The following RIN2 variants were observed in gnomAD, a reference collection of about 807,000 sequenced individuals.
The protein encoded by RIN2 is RAB5 interacting protein 2.
Under a neutral mutation model 78.0 loss-of-function variants are expected in RIN2, and 36 were observed. That is an observed-to-expected ratio of 0.46 (90% CI 0.35 to 0.61). The LOEUF (loss-of-function observed/expected upper bound fraction) is 0.61. Among genes scored for constraint, RIN2 ranks in the 20% least tolerant of loss-of-function variants. The pLI, the probability that RIN2 is intolerant of heterozygous loss-of-function variation, is 0.00. For synonymous variants in RIN2, 466 were observed against 466.8 expected, an observed-to-expected ratio of 1.00 and a Z score of 0.02; for missense variants, 1,087 against 1,159.7, an observed-to-expected ratio of 0.94 and a Z score of 0.91.
intron 1 of RIN2, among the ~76,000 whole-genome samples, chr20:19,790,062 C>A (rs2034840380): frequency 6.6e-6 from 1 of 152,134 alleles, no homozygotes; most frequent in African/African-American, 2.4e-5. Context: ...AAATGTGGCA[C>A]CCAGAATTGA....
intron 2 of RIN2, chr20:19,886,892 G>A (rs909373488): frequency 1.4e-4 from 83 of 610,616 alleles, no homozygotes; most frequent in Non-Finnish European, 2.2e-4. Flanking sequence ...AGAAGTTATC[G>A]TTTTAAATGG....
At chr20:19,951,384 C>A (rs1432151645) in intron 4 of RIN2, among the ~76,000 whole-genome samples, 1 of 152,132 alleles carries the variant, frequency 6.6e-6, no homozygotes, top group Admixed American at 6.5e-5. Context: ...CTCCTGTATA[C>A]ATTCAGGTGA....
intron 2 of RIN2, among the ~76,000 whole-genome samples, chr20:19,847,444 A>G (rs1212198587): frequency 2.0e-5 from 3 of 152,196 alleles, no homozygotes; most frequent in Non-Finnish European, 4.4e-5. Context: ...ATAAACGTGC[A>G]TGCAGTTAAA....
intron 1 of RIN2, among the ~76,000 whole-genome samples, chr20:19,758,787 G>C (rs908389124): frequency 6.6e-6 from 1 of 152,208 alleles, no homozygotes; most frequent in Admixed American, 6.5e-5. Context: ...GCGCCTGAGC[G>C]CGCGGGTCAG....
chr20:19,854,445 C>T lies in RIN2; in HGVS notation c.-36-35121C>T, dbSNP rs1251979599. The stretch of plus-strand genomic sequence containing the variant: ...GTCATTGGTAGCTTGATGGGGATGG[C>T]ATTGAATCTATAAATTTCCTTGGGC... On this transcript the variant is annotated intron_variant, in intron 2 of 12. Transcript: ENST00000255006. Among the ~76,000 whole-genome samples, 4 of 152,330 alleles carry T rather than the reference C, an allele frequency of 2.6e-5. No individual in the cohort carries two copies. The East Asian group carries it at 7.7e-4, about 29-fold the overall frequency.
chr20:19,780,147 T>C (rs1479756034), intron 1 of RIN2, among the ~76,000 whole-genome samples: 8 of 152,192 alleles, frequency 5.3e-5, no homozygotes, highest in Admixed American at 5.2e-4. Flanking sequence ...ATTCAGAGCA[T>C]GAATTGTTAA....
intron 1 of RIN2, among the ~76,000 whole-genome samples, chr20:19,778,323 C>G (rs1055671562): frequency 2.6e-5 from 4 of 152,210 alleles, no homozygotes; most frequent in Admixed American, 1.3e-4. Context: ...GAAGGAGACA[C>G]TAAATCCTAG....
At chr20:19,827,273 G>T (rs943832882) in intron 2 of RIN2, among the ~76,000 whole-genome samples, 3 of 152,080 alleles carry the variant, frequency 2.0e-5, no homozygotes, top group Admixed American at 6.5e-5. Flanking sequence ...ACCACACCCC[G>T]CCTTTTTCTA....
intron 3 of RIN2, among the ~76,000 whole-genome samples, chr20:19,892,244 C>T (rs2038502806): frequency 6.6e-6 from 1 of 152,062 alleles, no homozygotes; most frequent in Non-Finnish European, 1.5e-5. Flanking sequence ...TGAGACGGAG[C>T]CTCATTCTTT....
intron 4 of RIN2, among the ~76,000 whole-genome samples, chr20:19,954,606 C>T (rs1048741199): frequency 1.3e-5 from 2 of 152,158 alleles, no homozygotes; most frequent in African/African-American, 2.4e-5. Context: ...GATCATGGTG[C>T]CTGTGGTCCA....
chr20:19,816,311 C>G (rs1423068953), intron 2 of RIN2, among the ~76,000 whole-genome samples: 4 of 152,128 alleles, frequency 2.6e-5, no homozygotes, highest in African/African-American at 9.7e-5. Flanking sequence ...TTGTGATCAC[C>G]TATTCTAAGG....
rs1600706059 is a variant in RIN2, at chr20:19,889,465, CG to C, written c.-36-99del. 7 of 1,244,788 alleles carry C rather than the reference CG, an allele frequency of 5.6e-6. No homozygotes were observed. In the East Asian group the frequency reaches 1.9e-4, roughly 34 times the overall value. The allele number at this position is 1,244,788 out of a possible 1,614,324, so 77.1% of individuals were successfully genotyped here. On this transcript the variant is annotated intron_variant, in intron 2 of 12. Transcript: ENST00000255006. Reference sequence around the variant, plus strand: ...GAAATAAATGGCACTGTGTTGTTGACGGAAAAAGATCTTGGCAGGACTGTTG... The same window carrying C: ...GAAATAAATGGCACTGTGTTGTTGACGAAAAAGATCTTGGCAGGACTGTTG...
intron 2 of RIN2, among the ~76,000 whole-genome samples, chr20:19,866,360 G>A (rs542147016): frequency 8.5e-5 from 13 of 152,190 alleles, no homozygotes; most frequent in African/African-American, 2.6e-4. Context: ...TGGGGGGTGG[G>A]GGACCCCTGA....
intron 1 of RIN2, among the ~76,000 whole-genome samples, chr20:19,770,619 G>GC (rs5840857): frequency 0.12 from 18,973 of 151,970 alleles, 1,339 homozygotes; most frequent in African/African-American, 0.18. Context: ...TCATGGCTCT[G>GC]CCCCCAGCCT....
At chr20:19,996,919 A>G (rs2146420585) in intron 12 of RIN2, 77 bp downstream of exon 12, 2 of 1,401,560 alleles carry the variant, frequency 1.4e-6, no homozygotes, top group East Asian at 2.5e-5. Context: ...ATCCCAGCTC[A>G]GAGGTCCCCA....
intron 1 of RIN2, among the ~76,000 whole-genome samples, chr20:19,776,190 G>A (rs548160599): frequency 1.3e-5 from 2 of 152,246 alleles, no homozygotes; most frequent in Non-Finnish European, 2.9e-5. Flanking sequence ...GTGGGAGTCG[G>A]ACATGCCTCA....
intron 2 of RIN2, among the ~76,000 whole-genome samples, chr20:19,835,572 AG>A (rs1180173882): frequency 1.3e-5 from 2 of 152,226 alleles, no homozygotes; most frequent in Non-Finnish European, 2.9e-5. Context: ...GCATTTAAAA[AG>A]CTATACTCTA....
At position 19,956,670 on chromosome 20, in the gene RIN2, G is replaced by A. The variant is rs759701919; in HGVS notation, c.214G>A (p.Ala72Thr). The A allele has an allele frequency of 1.1e-5, 18 of 1,613,162 alleles. No individual in the cohort carries two copies. In the Admixed American group the frequency reaches 3.0e-4, roughly 27 times the overall value. ...YSEEEDVKTC[A>T]RDSGYDSLSN... Reference sequence around the variant, plus strand: ...CGAGGAAGAGGACGTGAAGACCTGTGCCCGGGACTCAGGCTATGACAGCCT... The same window carrying A: ...CGAGGAAGAGGACGTGAAGACCTGTACCCGGGACTCAGGCTATGACAGCCT... Residue 72 changes from alanine (A) to threonine (T), a missense_variant, in exon 5 of 13, where the codon GCC becomes ACC. Around this residue, in one of 8 missense-constraint regions of RIN2, gnomAD observed 706 missense variants for 667.5 expected, o/e 1.06. Coordinates refer to ENST00000255006, the MANE Select transcript of RIN2 (RefSeq NM_018993.4).
chr20:19,982,065 T>C (rs968289533), intron 9 of RIN2, among the ~76,000 whole-genome samples: 1 of 152,216 alleles, frequency 6.6e-6, no homozygotes, highest in Non-Finnish European at 1.5e-5. Flanking sequence ...CAGGTGACAC[T>C]AGACTGCAGG....
Sources: gnomAD v4.1 joint callset for allele counts (sites outside exome capture counted in the v4.1 genomes callset) on GRCh38, gnomAD v4.1.1 for gene constraint, gnomAD v4.1.1 regional missense constraint, MANE v1.5 for transcripts, NCBI Gene and HGNC (gene_info 2026-07-23, HGNC 2026-07-21) for gene names.